Variants in EXT1 observed in about 807,000 individuals in gnomAD.
EXT1 encodes exostosin glycosyltransferase 1.
Under a neutral mutation model 82.5 loss-of-function variants are expected in EXT1, and 20 were observed. That is an observed-to-expected ratio of 0.24 (90% CI 0.17 to 0.35). The LOEUF (loss-of-function observed/expected upper bound fraction) is 0.35. Among genes scored for constraint, EXT1 ranks in the 10% least tolerant of loss-of-function variants. The pLI, the probability that EXT1 is intolerant of heterozygous loss-of-function variation, is 1.00. For missense variants in EXT1, 757 were observed against 936.5 expected (o/e 0.81, Z 2.50); for synonymous variants, 348 against 350.8 (o/e 0.99, Z 0.09).
At chr8:117,828,973 G>C (rs1812052276) in intron 4 of EXT1, among the ~76,000 whole-genome samples, 1 of 152,130 alleles carries the variant, frequency 6.6e-6, no homozygotes, top group Non-Finnish European at 1.5e-5. Flanking sequence ...TGTGGACCAA[G>C]TAGGGTGACT....
rs184507297 is a variant in EXT1 at position 118,051,264 on chromosome 8, G to A, written c.962+58821C>T. Among the ~76,000 whole-genome samples, 20 of 152,172 alleles carry A rather than the reference G, an allele frequency of 1.3e-4. No homozygotes were observed. The East Asian group carries it at 2.5e-3, about 19-fold the overall frequency. ...AGAGGCGGGTGGATCACTGGAGCTC[G>A]GAGGTCGAGGCTGCAGTGAGCCATG... is the stretch of plus-strand genomic sequence containing the variant. On this transcript the variant is annotated intron_variant, in intron 1 of 10. Coordinates refer to ENST00000378204, the MANE Select transcript of EXT1 (RefSeq NM_000127.3).
At chr8:118,028,304 T>C (rs1816239555) in intron 1 of EXT1, among the ~76,000 whole-genome samples, 1 of 152,246 alleles carries the variant, frequency 6.6e-6, no homozygotes, top group Non-Finnish European at 1.5e-5. Context: ...AAATAAATTC[T>C]TTCCAAAACA....
chr8:117,880,835 C>G (rs1813046461), intron 1 of EXT1, among the ~76,000 whole-genome samples: 1 of 152,196 alleles, frequency 6.6e-6, no homozygotes, highest in Non-Finnish European at 1.5e-5. Context: ...AGGCAATCCA[C>G]CCACCTCGGC....
chr8:118,067,811 T>C (rs1303754519), intron 1 of EXT1, among the ~76,000 whole-genome samples: 1 of 152,228 alleles, frequency 6.6e-6, no homozygotes, highest in Non-Finnish European at 1.5e-5. Context: ...GACATTTGTG[T>C]TGATTCATGA....
At chr8:117,967,147 C>T (rs1029050652) in intron 1 of EXT1, among the ~76,000 whole-genome samples, 3 of 152,124 alleles carry the variant, frequency 2.0e-5, no homozygotes, top group African/African-American at 7.2e-5. Flanking sequence ...ACAAATAATC[C>T]TTTGAAGAAT....
At chr8:118,077,188 T>A (rs1007101177) in intron 1 of EXT1, among the ~76,000 whole-genome samples, 10 of 152,236 alleles carry the variant, frequency 6.6e-5, no homozygotes, top group African/African-American at 2.4e-4. Flanking sequence ...CTCTGCTGCA[T>A]ATGAAAAAGG....
intron 1 of EXT1, among the ~76,000 whole-genome samples, chr8:118,098,623 G>A (rs974283140): frequency 1.3e-5 from 2 of 152,034 alleles, no homozygotes; most frequent in Non-Finnish European, 2.9e-5. Flanking sequence ...GTCGGGCATG[G>A]TGGCGGGTGC....
intron 1 of EXT1, among the ~76,000 whole-genome samples, chr8:118,012,114 T>C (rs1310587212): frequency 6.6e-6 from 1 of 152,194 alleles, no homozygotes; most frequent in East Asian, 1.9e-4. Flanking sequence ...AAGTGCTTTG[T>C]TATCATTTAC....
At chr8:117,829,569 C>CTTTTTTTTTTTTTTTTTTTTT (rs35823668) in intron 4 of EXT1, among the ~76,000 whole-genome samples, 2 of 96,876 alleles carry the variant, frequency 2.1e-5, no homozygotes, top group Non-Finnish European at 4.2e-5. Flanking sequence ...ATATATTTTT[C>CTTTTTTTTTTTTTTTTTTTTT]TTTTTTTTTT....
At chr8:117,817,565 C>G (rs1217971571) in intron 7 of EXT1, among the ~76,000 whole-genome samples, 6 of 151,926 alleles carry the variant, frequency 3.9e-5, no homozygotes, top group Non-Finnish European at 7.4e-5. Flanking sequence ...GAAGAAATTT[C>G]AAGGAGGAGG....
chr8:117,922,293 TAAACAAAC>T (rs750664603), intron 1 of EXT1, among the ~76,000 whole-genome samples: 1 of 152,000 alleles, frequency 6.6e-6, no homozygotes, highest in Non-Finnish European at 1.5e-5. Context: ...GAGGTCTAAG[TAAACAAAC>T]AAACAAACAA....
At chr8:117,837,066 C>T (rs759284661) in intron 2 of EXT1, 42 bp downstream of exon 2, 12 of 1,417,098 alleles carry the variant, frequency 8.5e-6, no homozygotes, top group South Asian at 1.1e-5. Context: ...AATCTGGCTT[C>T]GGTCCTCAGC....
At chr8:117,866,294 A>C (rs1217575499) in intron 1 of EXT1, among the ~76,000 whole-genome samples, 2 of 152,236 alleles carry the variant, frequency 1.3e-5, no homozygotes, top group Non-Finnish European at 2.9e-5. Flanking sequence ...TATAATTTTC[A>C]ATTAAGCAGA....
chr8:117,815,934 CAA>C (rs58788900), intron 7 of EXT1, among the ~76,000 whole-genome samples: 11 of 116,418 alleles, frequency 9.4e-5, no homozygotes, highest in East Asian at 2.8e-4. Context: ...AACTCTGCCT[CAA>C]AAAAAAAAAA....
chr8:117,964,765 G>A (rs1016531573), intron 1 of EXT1, among the ~76,000 whole-genome samples: 1 of 152,116 alleles, frequency 6.6e-6, no homozygotes. Context: ...AGCCTCCCGA[G>A]TAGCTAGGAT....
chr8:118,062,757 T>C (rs1816903111), intron 1 of EXT1, among the ~76,000 whole-genome samples: 1 of 152,192 alleles, frequency 6.6e-6, no homozygotes, highest in Non-Finnish European at 1.5e-5. Flanking sequence ...CTGGCCTAAC[T>C]GGATCACTGT....
intron 1 of EXT1, among the ~76,000 whole-genome samples, chr8:118,105,464 C>A (rs974870973): frequency 1.3e-5 from 2 of 152,212 alleles, no homozygotes; most frequent in Admixed American, 1.3e-4. Flanking sequence ...AGTAATAATA[C>A]AAATGTCCCT....
At chr8:117,989,047 T>TAGAC (rs1815380372) in intron 1 of EXT1, among the ~76,000 whole-genome samples, 1 of 132,208 alleles carries the variant, frequency 7.6e-6, no homozygotes, top group South Asian at 2.4e-4. Flanking sequence ...GCCACACAGC[T>TAGAC]AGACCCCTCC....
chr8:118,086,662 G>T (rs1236962542), intron 1 of EXT1, among the ~76,000 whole-genome samples: 2 of 152,036 alleles, frequency 1.3e-5, no homozygotes, highest in Non-Finnish European at 2.9e-5. Context: ...GAGAATCTTG[G>T]TCTATTTAAT....
Sources: allele counts gnomAD v4.1 joint callset (sites outside exome capture counted in the v4.1 genomes callset), GRCh38; gene constraint gnomAD v4.1.1; transcripts MANE v1.5; gene names NCBI Gene and HGNC (gene_info 2026-07-23, HGNC 2026-07-21).